Variants in BTG4 observed in about 807,000 individuals in gnomAD.
The protein encoded by BTG4 is BTG anti-proliferation factor 4.
In BTG4, 10 loss-of-function variants were observed where a neutral mutation model predicts 19.3. The observed-to-expected ratio is 0.52, with a 90% CI of 0.32 to 0.88. The LOEUF (loss-of-function observed/expected upper bound fraction) is 0.88, where lower values mean the gene tolerates loss of function less well. BTG4 is among the 40% of genes least tolerant of loss of function. The pLI is 0.04. For missense variants in BTG4, 238 were observed against 281.9 expected (o/e 0.84, Z 1.11); for synonymous variants, 91 against 95.7 (o/e 0.95, Z 0.29).
the BTG4 span, among the ~76,000 whole-genome samples, chr11:111,415,468 A>T: frequency 1.3e-5 from 2 of 152,244 alleles, no homozygotes; most frequent in African/African-American, 2.4e-5. Flanking sequence ...TGAAAGCATC[A>T]TGCCCTCCTG....
chr11:111,397,356 A>G, the BTG4 span, among the ~76,000 whole-genome samples: 359 of 152,180 alleles, frequency 2.4e-3, 2 homozygotes, highest in Middle Eastern at 0.017. Context: ...TGCCTTTCTA[A>G]CCTCATTTCC....
chr11:111,459,055 A>G, the BTG4 span, among the ~76,000 whole-genome samples: 1 of 152,188 alleles, frequency 6.6e-6, no homozygotes, highest in Non-Finnish European at 1.5e-5. Context: ...CAGCTTGATC[A>G]ATATGGTGAA....
chr11:111,454,916 G>A, the BTG4 span: 1 of 442,866 alleles, frequency 2.3e-6, no homozygotes, highest in African/African-American at 2.0e-5. Context: ...AGGCTGGGTG[G>A]CTCCGGGAAC....
the BTG4 span, among the ~76,000 whole-genome samples, chr11:111,413,939 C>T: frequency 6.6e-6 from 1 of 152,190 alleles, no homozygotes; most frequent in Non-Finnish European, 1.5e-5. Flanking sequence ...AGCCAGGCCA[C>T]GCTGCCCTAT....
chr11:111,438,987 C>T, the BTG4 span, among the ~76,000 whole-genome samples: 1 of 152,212 alleles, frequency 6.6e-6, no homozygotes, highest in Non-Finnish European at 1.5e-5. Context: ...TAAGGGAAAG[C>T]AGGCTGCCCC....
the BTG4 span, among the ~76,000 whole-genome samples, chr11:111,442,165 A>T: frequency 6.6e-6 from 1 of 151,928 alleles, no homozygotes; most frequent in East Asian, 1.9e-4. Context: ...AGGAACCAGA[A>T]CTCCTTGGGG....
chr11:111,439,626 G>A, the BTG4 span, among the ~76,000 whole-genome samples: 2 of 151,420 alleles, frequency 1.3e-5, no homozygotes, highest in Non-Finnish European at 2.9e-5. Flanking sequence ...CAGCCCCCTC[G>A]TACTTCCCCT....
At chr11:111,458,877 G>C in the BTG4 span, among the ~76,000 whole-genome samples, 1 of 152,134 alleles carries the variant, frequency 6.6e-6, no homozygotes, top group Non-Finnish European at 1.5e-5. Flanking sequence ...TTAACTCTTT[G>C]ACCTTGGGCA....
chr11:111,441,417 G>A, the BTG4 span, among the ~76,000 whole-genome samples: 5 of 151,850 alleles, frequency 3.3e-5, no homozygotes, highest in Non-Finnish European at 7.4e-5. Context: ...CCAGAGTCAA[G>A]GGAGATTTTA....
the BTG4 span, chr11:111,386,323 G>A: frequency 1.3e-5 from 2 of 152,128 alleles, no homozygotes; most frequent in Non-Finnish European, 2.9e-5. Context: ...GAAATGTTTA[G>A]TATCATATAG....
At chr11:111,415,387 G>C in the BTG4 span, among the ~76,000 whole-genome samples, 45 of 152,342 alleles carry the variant, frequency 3.0e-4, no homozygotes, top group East Asian at 8.5e-3. Flanking sequence ...TGAGAAGTCA[G>C]AGGAAGTGAA....
the BTG4 span, among the ~76,000 whole-genome samples, chr11:111,394,341 G>A: frequency 1.3e-5 from 2 of 152,292 alleles, no homozygotes; most frequent in South Asian, 4.2e-4. Flanking sequence ...TTGTGGGAGG[G>A]ACCCCATGGG....
chr11:111,403,210 C>T, the BTG4 span, among the ~76,000 whole-genome samples: 1 of 152,150 alleles, frequency 6.6e-6, no homozygotes, highest in South Asian at 2.1e-4. Flanking sequence ...AGTAGAGCCT[C>T]AGGTTACAAA....
intron 1 of BTG4, among the ~76,000 whole-genome samples, chr11:111,510,334 G>A (rs1463345874): frequency 2.6e-5 from 4 of 152,076 alleles, no homozygotes; most frequent in African/African-American, 9.7e-5. Flanking sequence ...ACTCTTCTTG[G>A]CTTCCTCCTA....
At chr11:111,397,199 C>T in the BTG4 span, among the ~76,000 whole-genome samples, 1 of 152,216 alleles carries the variant, frequency 6.6e-6, no homozygotes, top group Non-Finnish European at 1.5e-5. Context: ...AATCCACTTT[C>T]CAAATGCAGC....
chr11:111,425,022 A>G, the BTG4 span, among the ~76,000 whole-genome samples: 1 of 152,182 alleles, frequency 6.6e-6, no homozygotes, highest in Non-Finnish European at 1.5e-5. Context: ...ACAAACTGCC[A>G]TGGCAGTTTA....
At chr11:111,430,996 A>G in the BTG4 span, among the ~76,000 whole-genome samples, 7 of 152,256 alleles carry the variant, frequency 4.6e-5, no homozygotes, top group South Asian at 4.1e-4. Flanking sequence ...AAAGCAGCTC[A>G]GCATGGTCTC....
At chr11:111,395,292 G>A in the BTG4 span, among the ~76,000 whole-genome samples, 4 of 152,278 alleles carry the variant, frequency 2.6e-5, no homozygotes, top group East Asian at 5.8e-4. Flanking sequence ...CCACAGCCCC[G>A]GTGGACTGTC....
chr11:111,484,867 T>A (rs191870679), intron 5 of BTG4, among the ~76,000 whole-genome samples: 2 of 152,094 alleles, frequency 1.3e-5, no homozygotes, highest in Admixed American at 1.3e-4. Flanking sequence ...AACACCCAAC[T>A]ACATGCTGCC....
Sources: gnomAD v4.1 joint callset for allele counts (sites outside exome capture counted in the v4.1 genomes callset) on GRCh38, gnomAD v4.1.1 for gene constraint, MANE v1.5 for transcripts, NCBI Gene and HGNC (gene_info 2026-07-23, HGNC 2026-07-21) for gene names.